Variants in LYPD6 observed in about 807,000 individuals in gnomAD.
LYPD6 encodes the protein ly6/PLAUR domain-containing protein 6.
In LYPD6, 15 loss-of-function variants were observed where a neutral mutation model predicts 22.7. The ratio of observed to expected loss-of-function variants is 0.66; its 90% CI spans 0.44 to 1.02. The LOEUF (loss-of-function observed/expected upper bound fraction) is 1.02. Ranked by LOEUF, LYPD6 falls within the 50% of genes least tolerant of loss-of-function variation. LYPD6 has a pLI of 0.00. For missense variants in LYPD6, 189 were observed against 208.4 expected, an observed-to-expected ratio of 0.91 and a Z score of 0.57; for synonymous variants, 72 against 77.5, an observed-to-expected ratio of 0.93 and a Z score of 0.37.
chr2:149,422,176 T>G (rs1334614075), intron 1 of LYPD6, among the ~76,000 whole-genome samples: 1 of 152,212 alleles, frequency 6.6e-6, no homozygotes, highest in Non-Finnish European at 1.5e-5. Flanking sequence ...AAGCATGTGC[T>G]AGCATTGTTC....
chr2:149,366,590 C>T (rs917435343), intron 1 of LYPD6, among the ~76,000 whole-genome samples: 1 of 152,088 alleles, frequency 6.6e-6, no homozygotes, highest in African/African-American at 2.4e-5. Flanking sequence ...GGGGGAGGTG[C>T]ACTTGCAGGG....
Position 149,404,706 on chromosome 2 carries a change from G to A in LYPD6, c.-71-32932G>A, listed in dbSNP as rs1183177026. On this transcript the variant is annotated intron_variant, in intron 1 of 4. Coordinates refer to ENST00000334166, the MANE Select transcript of LYPD6 (RefSeq NM_194317.5). ...AGGGACAATTTGACTTCCTCTTTTC[G>A]TATTTGAATACCCTTTATTTCCTTC... 5.9e-5 allele frequency among the ~76,000 whole-genome samples: 9 copies of A among 152,014 alleles called. No homozygotes were observed. In the East Asian group the frequency reaches 9.7e-4, roughly 16 times the overall value.
chr2:149,424,491 T>C (rs149933933), intron 1 of LYPD6, among the ~76,000 whole-genome samples: 2 of 152,298 alleles, frequency 1.3e-5, no homozygotes, highest in Non-Finnish European at 2.9e-5. Flanking sequence ...AGCTGGGACT[T>C]GAGCCCAAAT....
Position 149,344,743 on chromosome 2 carries a change from G to A in LYPD6, c.-72+14021G>A, listed in dbSNP as rs140489179. Among the ~76,000 whole-genome samples the A allele has an allele frequency of 1.5e-3, 230 of 152,314 alleles. 1 individual carries two copies. The highest frequency in any genetic ancestry group is 5.3e-3 in the African/African-American group (221 of 41,566). ...GTAAAAGCTGAAGTGCTTTGTGGGA[G>A]TGGGTGCGGGAGTGGAGGAAGGTAT... is the stretch of plus-strand genomic sequence containing the variant. On this transcript the variant is annotated intron_variant, in intron 1 of 4. Coordinates refer to ENST00000334166, the MANE Select transcript of LYPD6 (RefSeq NM_194317.5).
intron 1 of LYPD6, among the ~76,000 whole-genome samples, chr2:149,363,678 T>C (rs1681610599): frequency 6.6e-6 from 1 of 152,202 alleles, no homozygotes; most frequent in African/African-American, 2.4e-5. Context: ...CCTTTTCTGC[T>C]TACCTTATGG....
intron 1 of LYPD6, among the ~76,000 whole-genome samples, chr2:149,372,048 A>G (rs1298119475): frequency 1.3e-5 from 2 of 152,066 alleles, no homozygotes; most frequent in Admixed American, 6.6e-5. Context: ...CATTCCAGGG[A>G]TTTGCTGCCC....
chr2:149,458,766 A>G (rs1211239979), intron 3 of LYPD6, among the ~76,000 whole-genome samples: 1 of 152,250 alleles, frequency 6.6e-6, no homozygotes, highest in Admixed American at 6.5e-5. Context: ...AAATTGTACA[A>G]TTGTAACATA....
intron 3 of LYPD6, among the ~76,000 whole-genome samples, chr2:149,461,565 C>A (rs1681088210): frequency 6.6e-6 from 1 of 151,868 alleles, no homozygotes; most frequent in Non-Finnish European, 1.5e-5. Context: ...GATACCAAAA[C>A]CAGACCAACA....
intron 1 of LYPD6, among the ~76,000 whole-genome samples, chr2:149,395,006 C>A (rs148701691): frequency 6.6e-6 from 1 of 152,158 alleles, no homozygotes; most frequent in Admixed American, 6.5e-5. Flanking sequence ...TTACTTTTCT[C>A]ACTCAACAAT....
chr2:149,483,905 G>A, the LYPD6 span, among the ~76,000 whole-genome samples: 103 of 152,274 alleles, frequency 6.8e-4, 1 homozygote, highest in African/African-American at 2.5e-3. Context: ...ATAGTGACAA[G>A]AGAGAACTGT....
At chr2:149,435,590 C>A (rs1000001449) in intron 1 of LYPD6, among the ~76,000 whole-genome samples, 1 of 152,182 alleles carries the variant, frequency 6.6e-6, no homozygotes, top group African/African-American at 2.4e-5. Context: ...CTGTTGAATT[C>A]ATTCAAGATG....
intron 1 of LYPD6, among the ~76,000 whole-genome samples, chr2:149,394,429 A>C (rs1682382558): frequency 6.6e-6 from 1 of 152,178 alleles, no homozygotes; most frequent in Non-Finnish European, 1.5e-5. Flanking sequence ...ACACCTCAAA[A>C]TATAATAGGA....
chr2:149,423,383 C>G (rs1298679056), intron 1 of LYPD6, among the ~76,000 whole-genome samples: 2 of 152,162 alleles, frequency 1.3e-5, no homozygotes, highest in African/African-American at 4.8e-5. Flanking sequence ...TGGTATCAGG[C>G]TGCATGATGA....
chr2:149,466,019 C>T (rs1267722734), intron 3 of LYPD6, among the ~76,000 whole-genome samples: 5 of 152,094 alleles, frequency 3.3e-5, no homozygotes, highest in Non-Finnish European at 5.9e-5. Flanking sequence ...AGGCTTGATT[C>T]TCATATTACC....
chr2:149,484,888 T>A, the LYPD6 span, among the ~76,000 whole-genome samples: 573 of 152,322 alleles, frequency 3.8e-3, 4 homozygotes, highest in African/African-American at 0.013. Flanking sequence ...ATATCTTTAG[T>A]ACTGCCCATG....
chr2:149,447,862 G>A (rs1683722442), intron 2 of LYPD6, among the ~76,000 whole-genome samples: 1 of 152,242 alleles, frequency 6.6e-6, no homozygotes, highest in South Asian at 2.1e-4. Flanking sequence ...GATGCTGAGT[G>A]TGGTAGTTCA....
rs115710735 is a variant in LYPD6, at chr2:149,441,435, C to G, written c.118+3609C>G. ...TTTCTCCTCATTCCGATGCCCAGAA[C>G]AGCCATCACTGATAATAACTGGGGA... On this transcript the variant is annotated intron_variant, in intron 2 of 4. Transcript: ENST00000334166. Among the ~76,000 whole-genome samples the G allele has an allele frequency of 8.9e-3, 1,350 of 152,300 alleles. 15 individuals are homozygous for G. The highest frequency in any genetic ancestry group is 0.031 in the African/African-American group (1,295 of 41,554).
the LYPD6 span, among the ~76,000 whole-genome samples, chr2:149,482,917 C>G: frequency 2.0e-4 from 30 of 152,300 alleles, no homozygotes; most frequent in African/African-American, 7.2e-4. Flanking sequence ...AGACTCTGAG[C>G]AGAAAGCATT....
At chr2:149,378,773 A>G (rs1681992580) in intron 1 of LYPD6, among the ~76,000 whole-genome samples, 2 of 152,142 alleles carry the variant, frequency 1.3e-5, no homozygotes, top group Non-Finnish European at 1.5e-5. Context: ...TGAAACCCAC[A>G]GGGTCAGTAT....
Sources: allele counts gnomAD v4.1 joint callset (sites outside exome capture counted in the v4.1 genomes callset), GRCh38; gene constraint gnomAD v4.1.1; transcripts MANE v1.5; gene names NCBI Gene and HGNC (gene_info 2026-07-23, HGNC 2026-07-21).